CNTNAP2: variants seen among roughly 807,000 people sequenced by gnomAD.
CNTNAP2 encodes contactin associated protein 2, also known as contactin-associated protein-like 2.
A neutral mutation model predicts 155.2 loss-of-function variants in CNTNAP2; 98 were observed. That is an observed-to-expected ratio of 0.63 (90% CI 0.54 to 0.75). The LOEUF (loss-of-function observed/expected upper bound fraction) is 0.75. Among genes scored for constraint, CNTNAP2 ranks in the 30% least tolerant of loss-of-function variants. CNTNAP2 has a pLI of 0.00. For synonymous variants in CNTNAP2, 651 were observed against 631.2 expected, an observed-to-expected ratio of 1.03 and a Z score of -0.47; for missense variants, 1,727 against 1,688.1, an observed-to-expected ratio of 1.02 and a Z score of -0.40.
At chr7:146,793,805 A>G (rs535819892) in intron 2 of CNTNAP2, among the ~76,000 whole-genome samples, 2 of 152,318 alleles carry the variant, frequency 1.3e-5, no homozygotes, top group East Asian at 3.9e-4. Flanking sequence ...CAAGAAGTAT[A>G]TGTTAGAGTT....
At chr7:148,368,804 G>A (rs1798831488) in intron 21 of CNTNAP2, among the ~76,000 whole-genome samples, 1 of 152,122 alleles carries the variant, frequency 6.6e-6, no homozygotes. Context: ...GCATGCACCG[G>A]TGGTCAGACT....
chr7:147,949,098 G>A (rs1006696762), intron 14 of CNTNAP2, among the ~76,000 whole-genome samples: 15 of 151,910 alleles, frequency 9.9e-5, no homozygotes, highest in Admixed American at 9.8e-4. Flanking sequence ...CTACTCAGGA[G>A]GCTGAGGCAG....
chr7:146,906,913 A>G (rs1393834685), intron 3 of CNTNAP2, among the ~76,000 whole-genome samples: 2 of 146,808 alleles, frequency 1.4e-5, no homozygotes, highest in African/African-American at 5.0e-5. Context: ...AAAAAAATTT[A>G]GAAGAATGTA....
rs851700 is a variant in CNTNAP2 at position 147,790,552 on chromosome 7, C to G, written c.2099-113013C>G. Among the ~76,000 whole-genome samples the G allele has an allele frequency of 4.0e-3, 615 of 152,332 alleles. 2 individuals are homozygous for G. Among genetic ancestry groups the G allele is most frequent in the African/African-American group, 0.014 (585 of 41,580 alleles). ...TCTACGCTACTCTATCCCCAAAACT[C>G]TGCTAATCATATTATTTCCATGTTG... On this transcript the variant is annotated intron_variant, in intron 13 of 23. Coordinates refer to ENST00000361727, the MANE Select transcript of CNTNAP2 (RefSeq NM_014141.6).
chr7:146,399,838 C>A (rs1724532), intron 1 of CNTNAP2, among the ~76,000 whole-genome samples: 81,144 of 151,972 alleles, frequency 0.53, 25,377 homozygotes, highest in African/African-American at 0.87. Context: ...TCTTGTTTTC[C>A]TCTTAATTTT....
At chr7:147,007,631 C>T (rs1040441666) in intron 3 of CNTNAP2, among the ~76,000 whole-genome samples, 3 of 151,466 alleles carry the variant, frequency 2.0e-5, no homozygotes, top group Admixed American at 1.3e-4. Context: ...AGAAAAAAGC[C>T]ACCTTTTTTT....
At chr7:147,929,708 T>G (rs1800463424) in intron 14 of CNTNAP2, among the ~76,000 whole-genome samples, 1 of 152,182 alleles carries the variant, frequency 6.6e-6, no homozygotes, top group African/African-American at 2.4e-5. Flanking sequence ...TTTTTTAATC[T>G]CAGTACCTAC....
In CNTNAP2 at chr7:148,420,253, G is replaced by C. The variant is rs1329421617; in HGVS notation, c.*4637G>C. On this transcript the variant is annotated 3_prime_UTR_variant, in exon 24 of 24. Transcript: ENST00000361727. ...CTCACACATGCCCTCAAACATGCTA[G>C]ATTGGCTTATACATAGGCCAACACA... 2 of 152,234 alleles carry C rather than the reference G, an allele frequency of 1.3e-5. No individual in the cohort carries two copies. The highest frequency in any genetic ancestry group is 2.9e-5 in the Non-Finnish European group (2 of 68,042). 9.4% of individuals were successfully genotyped at this position (152,234 alleles called of 1,614,324 possible). A position where few individuals can be genotyped will look rare whatever the true frequency, so the allele number is the denominator to read the frequency against.
At position 146,812,443 on chromosome 7, in the gene CNTNAP2, A is replaced by AT. The variant is rs1563241649; in HGVS notation, c.209-27268_209-27267insT. Among the ~76,000 whole-genome samples, 384 of 130,040 alleles carry AT rather than the reference A, an allele frequency of 3.0e-3. 3 individuals are homozygous for AT. Among genetic ancestry groups the AT allele is most frequent in the African/African-American group, 0.014 (360 of 25,266 alleles). 85.3% of individuals were successfully genotyped at this position (130,040 alleles called of 152,430 possible). A position where few individuals can be genotyped will look rare whatever the true frequency, so the allele number is the denominator to read the frequency against. ...TTCTTTTATATGTATATATATATAAAAAATATATATATATATATATTTATA... is the reference window on the plus strand; with the variant it reads ...TTCTTTTATATGTATATATATATAAATAAATATATATATATATATATTTATA... On this transcript the variant is annotated intron_variant, in intron 2 of 23. Transcript: ENST00000361727.
intron 1 of CNTNAP2, among the ~76,000 whole-genome samples, chr7:146,316,208 T>A (rs1800902776): frequency 6.6e-6 from 1 of 152,200 alleles, no homozygotes; most frequent in African/African-American, 2.4e-5. Flanking sequence ...TTTGTTCCTA[T>A]ATACCCCAAA....
chr7:147,222,755 C>T (rs1382415499), intron 8 of CNTNAP2, among the ~76,000 whole-genome samples: 1 of 150,456 alleles, frequency 6.6e-6, no homozygotes, highest in East Asian at 2.0e-4. Flanking sequence ...GATTAGGTCT[C>T]AGTCTCTTAG....
At chr7:146,797,753 A>C (rs1802797157) in intron 2 of CNTNAP2, among the ~76,000 whole-genome samples, 1 of 152,230 alleles carries the variant, frequency 6.6e-6, no homozygotes, top group South Asian at 2.1e-4. Flanking sequence ...AGTTCTCACT[A>C]AGATACGTCC....
chr7:148,158,741 C>G (rs1468763657), intron 17 of CNTNAP2, among the ~76,000 whole-genome samples: 1 of 152,196 alleles, frequency 6.6e-6, no homozygotes, highest in Non-Finnish European at 1.5e-5. Context: ...CCAACATCCT[C>G]ATGGCAATTG....
At chr7:147,839,193 C>T (rs113267474) in intron 13 of CNTNAP2, among the ~76,000 whole-genome samples, 6,386 of 152,120 alleles carry the variant, frequency 0.042, 191 homozygotes, top group Middle Eastern at 0.061. Flanking sequence ...AGATTGTATC[C>T]ACCCAGATTG....
At chr7:147,850,572 A>G (rs370719423) in intron 13 of CNTNAP2, among the ~76,000 whole-genome samples, 8 of 152,200 alleles carry the variant, frequency 5.3e-5, no homozygotes, top group East Asian at 1.9e-4. Context: ...GCCAAAACAG[A>G]TATATAGACC....
intron 21 of CNTNAP2, among the ~76,000 whole-genome samples, chr7:148,383,090 T>G (rs565502967): frequency 6.6e-6 from 1 of 152,110 alleles, no homozygotes; most frequent in South Asian, 2.1e-4. Flanking sequence ...AAAACCTCCA[T>G]CAGACACTAG....
At chr7:147,013,983 C>T (rs897668962) in intron 3 of CNTNAP2, among the ~76,000 whole-genome samples, 1 of 152,078 alleles carries the variant, frequency 6.6e-6, no homozygotes, top group African/African-American at 2.4e-5. Flanking sequence ...TGCACATTAG[C>T]TAATTTGTCT....
chr7:146,368,019 A>T (rs1795179501), intron 1 of CNTNAP2, among the ~76,000 whole-genome samples: 1 of 152,058 alleles, frequency 6.6e-6, no homozygotes, highest in Non-Finnish European at 1.5e-5. Context: ...TGAACATTCC[A>T]CTTCATCCCT....
chr7:146,788,182 C>G (rs1414673240), intron 2 of CNTNAP2, among the ~76,000 whole-genome samples: 1 of 152,304 alleles, frequency 6.6e-6, no homozygotes, highest in East Asian at 1.9e-4. Context: ...AAGCCGGCGC[C>G]CACCTGGAAC....
Sources: allele counts gnomAD v4.1 joint callset (sites outside exome capture counted in the v4.1 genomes callset), GRCh38; gene constraint gnomAD v4.1.1; transcripts MANE v1.5; gene names NCBI Gene and HGNC (gene_info 2026-07-23, HGNC 2026-07-21).